Variants in DUS2 observed in about 807,000 individuals in gnomAD.
The protein encoded by DUS2 is tRNA-dihydrouridine(20) synthase [NAD(P)+]-like.
In DUS2, 52 loss-of-function variants were observed where a neutral mutation model predicts 71.3. That is an observed-to-expected ratio of 0.73 (90% CI 0.58 to 0.92). The LOEUF is 0.92. Among genes scored for constraint, DUS2 ranks in the 40% least tolerant of loss-of-function variants. The pLI, the probability that DUS2 is intolerant of heterozygous loss-of-function variation, is 0.00. For synonymous variants in DUS2, 204 were observed against 227.8 expected (o/e 0.90, Z 0.94); for missense variants, 558 against 622.6 (o/e 0.90, Z 1.10).
At chr16:68,053,744 T>C (rs2033812361) in intron 5 of DUS2, 89 bp downstream of exon 5, 5 of 1,319,234 alleles carry the variant, frequency 3.8e-6, no homozygotes, top group East Asian at 4.7e-5. Flanking sequence ...CAGTGTTGAA[T>C]ACCTGGGGTA....
rs370186983 is a variant in DUS2, at chr16:68,066,348, G to C, written c.449G>C (p.Arg150Thr). ...AGCACTCTTGTTAAAGGGACACGCA[G>C]ACCTGTGACCTGCAAGATTCGCATC... The part of the protein sequence containing the change: ...ILSTLVKGTR[R>T]PVTCKIRILP... Residue 150 changes from arginine (R) to threonine (T), a missense_variant, in exon 9 of 17, where the codon AGA becomes ACA. Coordinates refer to ENST00000565263, the MANE Select transcript of DUS2 (RefSeq NM_017803.5). The C allele has an allele frequency of 1.9e-6, 3 of 1,614,068 alleles. No homozygotes were observed. The African/African-American group carries it at 4.0e-5, about 22-fold the overall frequency.
At chr16:68,055,130 G>C (rs1407513517) in intron 6 of DUS2, among the ~76,000 whole-genome samples, 1 of 152,166 alleles carries the variant, frequency 6.6e-6, no homozygotes, top group Admixed American at 6.6e-5. Flanking sequence ...CTAGATCTCA[G>C]AGACCCTCTA....
chr16:68,063,702 A>T (rs1250269366), intron 8 of DUS2, among the ~76,000 whole-genome samples: 1 of 152,054 alleles, frequency 6.6e-6, no homozygotes, highest in Non-Finnish European at 1.5e-5. Context: ...TAAGAACCTC[A>T]GTTTTATTTT....
At chr16:68,048,803 T>C (rs2033739347) in intron 3 of DUS2, among the ~76,000 whole-genome samples, 1 of 152,166 alleles carries the variant, frequency 6.6e-6, no homozygotes, top group Admixed American at 6.6e-5. Context: ...GGCATGAACT[T>C]CTGGGCAGTG....
At chr16:68,075,620 G>T in intron 14 of DUS2, 116 bp downstream of exon 14, 1 of 1,114,870 alleles carries the variant, frequency 9.0e-7, no homozygotes. Context: ...CACAGGTCTT[G>T]TTGGTTTGGA....
At chr16:68,025,756 T>C (rs1234503720) in intron 2 of DUS2, among the ~76,000 whole-genome samples, 2 of 152,156 alleles carry the variant, frequency 1.3e-5, no homozygotes, top group Non-Finnish European at 2.9e-5. Context: ...CTGAGATATT[T>C]TTATAAGTAG....
intron 10 of DUS2, among the ~76,000 whole-genome samples, chr16:68,069,141 C>G (rs1446500712): frequency 1.3e-5 from 2 of 152,022 alleles, no homozygotes; most frequent in Non-Finnish European, 2.9e-5. Flanking sequence ...AGAATCCCAC[C>G]ACTTTAGGAG....
intron 8 of DUS2, among the ~76,000 whole-genome samples, chr16:68,064,687 T>C (rs796661835): frequency 4.6e-5 from 7 of 152,320 alleles, no homozygotes; most frequent in African/African-American, 1.7e-4. Flanking sequence ...AGGGTGACCC[T>C]AAGACCTCAG....
At chr16:68,035,353 T>C (rs1052523294) in intron 2 of DUS2, among the ~76,000 whole-genome samples, 4 of 152,154 alleles carry the variant, frequency 2.6e-5, no homozygotes, top group African/African-American at 7.2e-5. Context: ...CCTGTTTTCT[T>C]ACTGCTGTTA....
At chr16:68,040,076 ATCTTTTTTTT>A (rs1487521974) in intron 3 of DUS2, among the ~76,000 whole-genome samples, 1 of 150,786 alleles carries the variant, frequency 6.6e-6, no homozygotes, top group Non-Finnish European at 1.5e-5. Flanking sequence ...GAGGACAGGA[ATCTTTTTTTT>A]TCTTTTTTTT....
intron 2 of DUS2, among the ~76,000 whole-genome samples, chr16:68,036,359 C>G (rs1204816011): frequency 1.3e-5 from 2 of 152,078 alleles, no homozygotes; most frequent in Admixed American, 6.6e-5. Flanking sequence ...CGGGGTTTCA[C>G]CATCTTGGCC....
chr16:68,078,562 A>G (rs759881193), intron 16 of DUS2, 44 bp downstream of exon 16: 10 of 1,596,290 alleles, frequency 6.3e-6, no homozygotes, highest in Non-Finnish European at 8.6e-6. Context: ...GGTGGGGCGG[A>G]GAGTGGGCAT....
intron 6 of DUS2, 28 bp from the exon 7 acceptor site, chr16:68,056,336 T>C (rs1038292119): frequency 7.5e-6 from 12 of 1,604,440 alleles, no homozygotes; most frequent in African/African-American, 4.0e-5. Context: ...TCAATACTTA[T>C]TACCTTTACT....
chr16:68,029,806 A>G lies in DUS2; in HGVS notation c.-19+4312A>G, dbSNP rs529383878. Among the ~76,000 whole-genome samples the G allele has an allele frequency of 1.6e-4, 24 of 151,924 alleles. 2 individuals are homozygous for G. In the South Asian group the frequency reaches 5.0e-3, roughly 32 times the overall value. On this transcript the variant is annotated intron_variant, in intron 2 of 16. Coordinates refer to ENST00000565263, the MANE Select transcript of DUS2 (RefSeq NM_017803.5). ...AATACTTGATTCTAGTTGACTTTCC[A>G]AATTTGAATTTTAGAGCTGGATGCA...
intron 2 of DUS2, among the ~76,000 whole-genome samples, chr16:68,037,475 T>C (rs1472857147): frequency 6.7e-6 from 1 of 149,856 alleles, no homozygotes; most frequent in Non-Finnish European, 1.5e-5. Flanking sequence ...GGGGGTACAA[T>C]GGTGCCATGT....
chr16:68,042,110 A>G (rs899946337), intron 3 of DUS2, among the ~76,000 whole-genome samples: 4 of 152,224 alleles, frequency 2.6e-5, no homozygotes, highest in African/African-American at 9.6e-5. Flanking sequence ...AAGTGGAATC[A>G]TACAATATTT....
chr16:68,073,277 T>A (rs1310947567), intron 12 of DUS2, among the ~76,000 whole-genome samples: 1 of 152,118 alleles, frequency 6.6e-6, no homozygotes, highest in Admixed American at 6.5e-5. Context: ...TATTTTTATT[T>A]TTATTTTTAA....
chr16:68,057,928 G>A lies in DUS2; in HGVS notation c.369+1504G>A, dbSNP rs376918817. Among the ~76,000 whole-genome samples the A allele has an allele frequency of 2.7e-5, 4 of 149,360 alleles. No individual in the cohort carries two copies. The East Asian group carries it at 5.9e-4, about 22-fold the overall frequency. On this transcript the variant is annotated intron_variant, in intron 7 of 16. Coordinates refer to ENST00000565263, the MANE Select transcript of DUS2 (RefSeq NM_017803.5). ...TGGATGCAGTGTAAATGTTCCCATTGTCGTATCAGAAGAGATCAGACTATG... is the reference window on the plus strand; with the variant it reads ...TGGATGCAGTGTAAATGTTCCCATTATCGTATCAGAAGAGATCAGACTATG...
chr16:68,078,834 G>A lies in DUS2; in HGVS notation c.1330G>A (p.Glu444Lys). 1 of 1,613,718 alleles carries A rather than the reference G, an allele frequency of 6.2e-7. No homozygotes were observed. Among genetic ancestry groups the A allele is most frequent in the Non-Finnish European group, 8.5e-7 (1 of 1,179,856 alleles). ...QGLPEGRLGE[E>K]SPSLHKRKRE... is the part of the protein sequence containing the mutation. ...CCTCCCTGAGGGTCGGCTGGGTGAG[G>A]AGAGCCCTTCCTTGCACAAGCGAAA... Residue 444 changes from glutamate (E) to lysine (K), a missense_variant, in exon 17 of 17, where the codon GAG becomes AAG. Transcript: ENST00000565263.
Sources: gnomAD v4.1 joint callset for allele counts (sites outside exome capture counted in the v4.1 genomes callset) on GRCh38, gnomAD v4.1.1 for gene constraint, MANE v1.5 for transcripts, NCBI Gene and HGNC (gene_info 2026-07-23, HGNC 2026-07-21) for gene names.